The following VPS33A variants were observed in gnomAD, a reference collection of about 807,000 sequenced individuals.
VPS33A encodes the protein VPS33A core subunit of CORVET and HOPS complexes.
In VPS33A, 32 loss-of-function variants were observed where a neutral mutation model predicts 71.8. That is an observed-to-expected ratio of 0.45 (90% CI 0.34 to 0.60). VPS33A has a LOEUF of 0.60. Among genes scored for constraint, VPS33A ranks in the 20% least tolerant of loss-of-function variants. VPS33A has a pLI of 0.02. For missense variants in VPS33A, 625 were observed against 748.5 expected (o/e 0.84, Z 1.92); for synonymous variants, 311 against 292.7 (o/e 1.06, Z -0.64).
intron 1 of VPS33A, among the ~76,000 whole-genome samples, chr12:122,264,958 T>C (rs1033983875): frequency 2.0e-5 from 3 of 151,376 alleles, no homozygotes; most frequent in Admixed American, 6.6e-5. Context: ...TTTCTTTTTT[T>C]TTTTTTTTTG....
chr12:122,252,521 C>T (rs1156636597), intron 4 of VPS33A, among the ~76,000 whole-genome samples: 2 of 152,008 alleles, frequency 1.3e-5, no homozygotes, highest in East Asian at 1.9e-4. Context: ...CCGCCCACCT[C>T]GGCCTCCCAA....
chr12:122,241,763 T>C (rs1368039831), intron 8 of VPS33A, among the ~76,000 whole-genome samples: 1 of 151,984 alleles, frequency 6.6e-6, no homozygotes, highest in East Asian at 1.9e-4. Context: ...CAGCTAATTT[T>C]TGTATTTTTA....
intron 4 of VPS33A, among the ~76,000 whole-genome samples, chr12:122,256,887 G>A (rs1047601221): frequency 6.6e-6 from 1 of 152,112 alleles, no homozygotes. Flanking sequence ...CCAAACAATG[G>A]AACTCTATGC....
At chr12:122,251,257 T>A (rs918679110) in intron 4 of VPS33A, among the ~76,000 whole-genome samples, 158 bp from the exon 5 acceptor site, 8 of 152,252 alleles carry the variant, frequency 5.3e-5, no homozygotes, top group Non-Finnish European at 8.8e-5. Flanking sequence ...TTTCCAAAAC[T>A]GCTGCCTGTC....
intron 9 of VPS33A, among the ~76,000 whole-genome samples, 181 bp downstream of exon 9, chr12:122,239,697 C>T (rs936566721): frequency 2.3e-5 from 3 of 132,650 alleles, no homozygotes; most frequent in Non-Finnish European, 4.7e-5. Flanking sequence ...CGCCACTGCA[C>T]TCCAGCCTGG....
At position 122,266,442 on chromosome 12, in the gene VPS33A, C is replaced by G. The variant is rs199884507; in HGVS notation, c.-34G>C. ...ACCACCCCCTGCCCCACAACGCCAA[C>G]CGAGTCCGCCGGTTCCTACGGGAGG... On this transcript the variant is annotated 5_prime_UTR_variant, in exon 1 of 13. Transcript: ENST00000267199. 1.2e-3 allele frequency: 1,892 copies of G among 1,592,322 alleles called. 15 individuals are homozygous for G. The highest frequency in any genetic ancestry group is 1.7e-3 in the South Asian group (155 of 90,274).
Position 122,232,197 on chromosome 12 carries a change from A to T in VPS33A, c.*49T>A, listed in dbSNP as rs1433241378. On this transcript the variant is annotated 3_prime_UTR_variant, in exon 13 of 13. Coordinates refer to ENST00000267199, the MANE Select transcript of VPS33A (RefSeq NM_022916.6). ...TTACTTCCTTTCAGCAATTTCTTCA[A>T]AGAGGTAGTTTATTCTGCAGTACAC... 1 of 1,521,016 alleles carries T rather than the reference A, an allele frequency of 6.6e-7. No individual in the cohort carries two copies. Among genetic ancestry groups the T allele is most frequent in the East Asian group, 2.3e-5 (1 of 42,800 alleles). 94.2% of individuals were successfully genotyped at this position (1,521,016 alleles called of 1,614,324 possible).
intron 5 of VPS33A, 110 bp downstream of exon 5, chr12:122,250,873 T>G (rs1176180784): frequency 7.6e-6 from 6 of 785,480 alleles, no homozygotes; most frequent in Non-Finnish European, 1.3e-5. Flanking sequence ...AGTACAGTAT[T>G]CATAAATAAT....
intron 4 of VPS33A, among the ~76,000 whole-genome samples, chr12:122,255,687 A>T (rs999424925): frequency 7.0e-6 from 1 of 143,392 alleles, no homozygotes; most frequent in Non-Finnish European, 1.5e-5. Flanking sequence ...AGCCTGGGGA[A>T]CAAGAGTGAG....
At chr12:122,238,303 C>T (rs1183409094) in intron 10 of VPS33A, among the ~76,000 whole-genome samples, 1 of 152,102 alleles carries the variant, frequency 6.6e-6, no homozygotes, top group Non-Finnish European at 1.5e-5. Flanking sequence ...ACACTGTAAC[C>T]TCCGCCTCCT....
At chr12:122,248,082 G>GTGTGTGTGTA (rs1156781431) in intron 6 of VPS33A, 3 of 152,078 alleles carry the variant, frequency 2.0e-5, no homozygotes, top group African/African-American at 7.3e-5. Flanking sequence ...GTGTGTGTGT[G>GTGTGTGTGTA]TGTATTTTTA....
rs567137899 is a variant in VPS33A at position 122,260,962 on chromosome 12, G to A, written c.483+299C>T. On this transcript the variant is annotated intron_variant, in intron 4 of 12. Coordinates refer to ENST00000267199, the MANE Select transcript of VPS33A (RefSeq NM_022916.6). Reference sequence around the variant, plus strand: ...TGCGCTCCAGCCCGGGCGACAGAGCGAGACTCCGTCTCAAAAAAACAAAAC... The same window carrying A: ...TGCGCTCCAGCCCGGGCGACAGAGCAAGACTCCGTCTCAAAAAAACAAAAC... Among the ~76,000 whole-genome samples the A allele has an allele frequency of 3.3e-5, 5 of 152,332 alleles. No homozygotes were observed. In the East Asian group the frequency reaches 5.8e-4, roughly 18 times the overall value.
chr12:122,236,880 C>T (rs1460641874), intron 10 of VPS33A, among the ~76,000 whole-genome samples: 6 of 152,156 alleles, frequency 3.9e-5, no homozygotes, highest in Non-Finnish European at 5.9e-5. Context: ...TGTATGGAAA[C>T]ATTCTGTCTA....
At position 122,243,383 on chromosome 12, in the gene VPS33A, C is replaced by T. The variant is rs111627603; in HGVS notation, c.970-875G>A. On this transcript the variant is annotated intron_variant, in intron 7 of 12. Coordinates refer to ENST00000267199, the MANE Select transcript of VPS33A (RefSeq NM_022916.6). Reference sequence around the variant, plus strand: ...CCAAGGAGCTGGGATTACAGGCACACGCCACTGCCCAGCTAGTTAAAAAAA... The same window carrying T: ...CCAAGGAGCTGGGATTACAGGCACATGCCACTGCCCAGCTAGTTAAAAAAA... Among the ~76,000 whole-genome samples, 354 of 151,236 alleles carry T rather than the reference C, an allele frequency of 2.3e-3. 5 individuals are homozygous for T. The East Asian group carries it at 0.044, about 19-fold the overall frequency.
chr12:122,264,071 C>T, intron 2 of VPS33A, 63 bp downstream of exon 2: 2 of 1,351,282 alleles, frequency 1.5e-6, no homozygotes, highest in Non-Finnish European at 2.0e-6. Flanking sequence ...ATATAAAATC[C>T]TATTGTAACT....
At chr12:122,265,623 G>GC in intron 1 of VPS33A, 1 of 384,732 alleles carries the variant, frequency 2.6e-6, no homozygotes, top group Non-Finnish European at 5.6e-6. Flanking sequence ...AAGGCTGCTA[G>GC]CACCCACTTT....
chr12:122,243,419 TG>T (rs755667278), intron 7 of VPS33A, among the ~76,000 whole-genome samples: 5 of 151,776 alleles, frequency 3.3e-5, no homozygotes, highest in Non-Finnish European at 7.4e-5. Context: ...AAAAAAGTTT[TG>T]TAGAGACAGT....
At position 122,238,770 on chromosome 12, in the gene VPS33A, T is replaced by TACACACACACACAC. The variant is rs57522920; in HGVS notation, c.1165-60_1165-47dup. On this transcript the variant is annotated intron_variant, in intron 9 of 12. Coordinates refer to ENST00000267199, the MANE Select transcript of VPS33A (RefSeq NM_022916.6). ...ATATACATATACATTTACATATACA[T>TACACACACACACAC]ACACACACACACACACACACACACA... 1,304 of 872,952 alleles carry TACACACACACACAC rather than the reference T, an allele frequency of 1.5e-3. 13 individuals are homozygous for TACACACACACACAC. The African/African-American group carries it at 0.017, about 12-fold the overall frequency. 54.1% of individuals were successfully genotyped at this position (872,952 alleles called of 1,614,324 possible). A position where few individuals can be genotyped will look rare whatever the true frequency, so the allele number is the denominator to read the frequency against.
intron 8 of VPS33A, chr12:122,241,147 A>G (rs1954708699): frequency 6.6e-6 from 1 of 151,964 alleles, no homozygotes; most frequent in Non-Finnish European, 1.5e-5. Context: ...AAAAAAAAAA[A>G]AAAGAAAAAA....
Sources: gnomAD v4.1 joint callset for allele counts (sites outside exome capture counted in the v4.1 genomes callset) on GRCh38, gnomAD v4.1.1 for gene constraint, MANE v1.5 for transcripts, NCBI Gene and HGNC (gene_info 2026-07-23, HGNC 2026-07-21) for gene names.